Variants in SEC31A observed in about 807,000 individuals in gnomAD.
The protein encoded by SEC31A is SEC31 homolog A, COPII component.
In SEC31A, 70 loss-of-function variants were observed where a neutral mutation model predicts 151.0. The ratio of observed to expected loss-of-function variants is 0.46; its 90% CI spans 0.38 to 0.57. The LOEUF (loss-of-function observed/expected upper bound fraction) is 0.57. Among genes scored for constraint, SEC31A ranks in the 20% least tolerant of loss-of-function variants. The pLI, the probability that SEC31A is intolerant of heterozygous loss-of-function variation, is 0.00. For missense variants in SEC31A, 1,330 were observed against 1,471.2 expected, an observed-to-expected ratio of 0.90 and a Z score of 1.57; for synonymous variants, 475 against 505.9, an observed-to-expected ratio of 0.94 and a Z score of 0.82.
intron 8 of SEC31A, 73 bp from the exon 9 acceptor site, chr4:82,867,389 A>C: frequency 7.8e-7 from 1 of 1,284,402 alleles, no homozygotes; most frequent in Non-Finnish European, 1.1e-6. Flanking sequence ...CACCTGAATT[A>C]ATGTGGTCAA....
intron 8 of SEC31A, among the ~76,000 whole-genome samples, chr4:82,869,393 G>C (rs1211811841): frequency 6.6e-6 from 1 of 151,646 alleles, no homozygotes; most frequent in Non-Finnish European, 1.5e-5. Context: ...GCCTCCCAAA[G>C]TGCTGGGATT....
At chr4:82,890,427 C>T (rs762315619) in intron 1 of SEC31A, among the ~76,000 whole-genome samples, 11 of 152,162 alleles carry the variant, frequency 7.2e-5, no homozygotes, top group South Asian at 2.1e-4. Context: ...TTCAAATAGC[C>T]CTACGTAAAA....
chr4:82,842,755 C>T (rs1729194898), intron 21 of SEC31A: 2 of 305,432 alleles, frequency 6.5e-6, no homozygotes, highest in Non-Finnish European at 1.2e-5. Flanking sequence ...CAAGACTGAC[C>T]CTTTTCTGAG....
At chr4:82,859,202 C>T (rs1733504277) in intron 14 of SEC31A, among the ~76,000 whole-genome samples, 1 of 151,898 alleles carries the variant, frequency 6.6e-6, no homozygotes, top group Non-Finnish European at 1.5e-5. Context: ...CACTTAAATT[C>T]AAGTATACAT....
At chr4:82,873,212 G>A (rs1240174998) in intron 6 of SEC31A, among the ~76,000 whole-genome samples, 2 of 151,924 alleles carry the variant, frequency 1.3e-5, no homozygotes, top group East Asian at 1.9e-4. Flanking sequence ...ACAAAAATTC[G>A]CCAGGTATGG....
intron 19 of SEC31A, among the ~76,000 whole-genome samples, chr4:82,849,420 C>T (rs909988334): frequency 2.6e-5 from 4 of 152,018 alleles, no homozygotes; most frequent in African/African-American, 9.7e-5. Flanking sequence ...CGAGACCATC[C>T]TGGCTAACAC....
intron 22 of SEC31A, among the ~76,000 whole-genome samples, chr4:82,840,568 T>C (rs545917973): frequency 6.6e-6 from 1 of 152,364 alleles, no homozygotes; most frequent in South Asian, 2.1e-4. Context: ...ATGTGTCACT[T>C]AATAATGGGT....
At chr4:82,882,401 C>CAAAAAAAAAAAAAAAA (rs57974382) in intron 1 of SEC31A, among the ~76,000 whole-genome samples, 2 of 92,482 alleles carry the variant, frequency 2.2e-5, no homozygotes, top group African/African-American at 5.2e-5. Context: ...GACTCTATCT[C>CAAAAAAAAAAAAAAAA]AAAAAAAAAA....
intron 17 of SEC31A, 116 bp downstream of exon 17, chr4:82,854,787 C>T: frequency 9.5e-7 from 1 of 1,047,984 alleles, no homozygotes. Flanking sequence ...GAGAATTTTT[C>T]TTTTTTGTGA....
At chr4:82,832,866 C>T (rs966880075) in intron 22 of SEC31A, among the ~76,000 whole-genome samples, 10 of 152,260 alleles carry the variant, frequency 6.6e-5, no homozygotes, top group African/African-American at 2.2e-4. Context: ...TACTATCTCA[C>T]GCCAGTTACA....
intron 8 of SEC31A, among the ~76,000 whole-genome samples, chr4:82,868,832 A>G (rs2149576413): frequency 6.6e-6 from 1 of 152,104 alleles, no homozygotes; most frequent in East Asian, 1.9e-4. Context: ...AGTGGCTAGG[A>G]CTACAGAACA....
intron 16 of SEC31A, among the ~76,000 whole-genome samples, chr4:82,855,814 G>GA (rs1367521673): frequency 1.3e-5 from 2 of 152,056 alleles, no homozygotes; most frequent in African/African-American, 2.4e-5. Context: ...GAGAGAATCA[G>GA]AAAAAATGAT....
intron 6 of SEC31A, among the ~76,000 whole-genome samples, chr4:82,872,536 A>C (rs1460064290): frequency 6.6e-6 from 1 of 152,172 alleles, no homozygotes; most frequent in Non-Finnish European, 1.5e-5. Flanking sequence ...AAACTACTAA[A>C]TTTTATTGAA....
Position 82,819,013 on chromosome 4 carries a change from T to C in SEC31A, c.*61A>G. 7.0e-7 allele frequency: 1 copy of C among 1,431,916 alleles called. No homozygotes were observed. The highest frequency in any genetic ancestry group is 9.5e-7 in the Non-Finnish European group (1 of 1,056,314). The allele number at this position is 1,431,916 out of a possible 1,614,324, so 88.7% of individuals were successfully genotyped here. On this transcript the variant is annotated 3_prime_UTR_variant, in exon 27 of 27. Transcript: ENST00000395310. Reference sequence around the variant, plus strand: ...GAGGACTAGTCCATGTCTTATAATTTTTTTTTTTAACATGTTTCTTTGGAA... The same window carrying C: ...GAGGACTAGTCCATGTCTTATAATTCTTTTTTTTAACATGTTTCTTTGGAA...
intron 26 of SEC31A, among the ~76,000 whole-genome samples, chr4:82,820,102 C>T (rs1417903522): frequency 6.7e-6 from 1 of 149,504 alleles, no homozygotes; most frequent in Non-Finnish European, 1.5e-5. Context: ...AATATATACT[C>T]ATCTAGATGT....
rs1732823220 is a variant in SEC31A, at chr4:82,856,952, C to T, written c.1881G>A (p.Arg627=). The T allele has an allele frequency of 1.2e-6, 2 of 1,601,780 alleles. No homozygotes were observed. Among genetic ancestry groups the T allele is most frequent in the Non-Finnish European group, 8.5e-7 (1 of 1,174,940 alleles). The change falls in exon 16 of 27, where the codon AGG becomes AGA. Residue 627 remains arginine, a splice_region_variant and synonymous_variant. Transcript: ENST00000395310. Reference sequence around the variant, plus strand: ...ATTGCTTATTTTTAAAATAACATACCCTGGTAATTTTGCTTTGGGATTTTG... The same window carrying T: ...ATTGCTTATTTTTAAAATAACATACTCTGGTAATTTTGCTTTGGGATTTTG... ...YFAKSQSKIT[R]LITAVVMKNW... is the part of the protein sequence containing the mutation.
chr4:82,888,315 G>A (rs1741254342), intron 1 of SEC31A, among the ~76,000 whole-genome samples: 1 of 79,196 alleles, frequency 1.3e-5, no homozygotes, highest in African/African-American at 7.9e-5. Flanking sequence ...GGCAGAGGTT[G>A]CAGTAAGCCT....
At chr4:82,872,134 AAAG>A in intron 6 of SEC31A, 48 bp from the exon 7 acceptor site, 1 of 1,379,492 alleles carries the variant, frequency 7.2e-7, no homozygotes, top group Non-Finnish European at 1.0e-6. Context: ...TACTTTATGA[AAAG>A]CCAAACTACA....
Position 82,880,635 on chromosome 4 carries a change from C to T in SEC31A, c.203+164G>A, listed in dbSNP as rs115928406. ...AAGTCAATAGAACACATAAACACTACTTTTACTTCCATAAAAATTCACTCA... is the reference window on the plus strand; with the variant it reads ...AAGTCAATAGAACACATAAACACTATTTTTACTTCCATAAAAATTCACTCA... On this transcript the variant is annotated intron_variant, in intron 3 of 26. Coordinates refer to ENST00000395310, the MANE Select transcript of SEC31A (RefSeq NM_001077207.4). 5,341 of 551,734 alleles carry T rather than the reference C, an allele frequency of 9.7e-3. 243 individuals are homozygous for T. Among genetic ancestry groups the T allele is most frequent in the African/African-American group, 0.093 (4,729 of 50,932 alleles). The allele number at this position is 551,734 out of a possible 1,614,324, so 34.2% of individuals were successfully genotyped here.
Sources: allele counts gnomAD v4.1 joint callset (sites outside exome capture counted in the v4.1 genomes callset), GRCh38; gene constraint gnomAD v4.1.1; transcripts MANE v1.5; gene names NCBI Gene and HGNC (gene_info 2026-07-23, HGNC 2026-07-21).